Variants in DCAF8 observed in about 807,000 individuals in gnomAD.
The protein encoded by DCAF8 is DDB1- and CUL4-associated factor 8.
In DCAF8, 20 loss-of-function variants were observed where a neutral mutation model predicts 68.0. The observed-to-expected ratio is 0.29, with a 90% CI of 0.21 to 0.43. DCAF8 has a LOEUF of 0.43. Ranked by LOEUF, DCAF8 falls within the 20% of genes least tolerant of loss-of-function variation. The pLI is 1.00. For synonymous variants in DCAF8, 230 were observed against 276.9 expected, an observed-to-expected ratio of 0.83 and a Z score of 1.68; for missense variants, 460 against 771.0, an observed-to-expected ratio of 0.60 and a Z score of 4.78.
chr1:160,253,647 C>CA (rs747211563), intron 2 of DCAF8, among the ~76,000 whole-genome samples: 9,857 of 26,830 alleles, frequency 0.37, 3,584 homozygotes, highest in Non-Finnish European at 0.57. Flanking sequence ...GACTCCATCT[C>CA]AAAAAAAAAA....
rs1244854061 is a variant in DCAF8 at position 160,222,655 on chromosome 1, C to A, written c.1436G>T (p.Gly479Val). ...AGCTCAGCACACCATACTCACCACG[C>A]CTCCCTTGTCCCCCTCCATGAACTG... ...IIQFMEGDKGGVVNCLEPHPH... is the reference protein window; with the variant it reads ...IIQFMEGDKGVVVNCLEPHPH... Residue 479 changes from glycine (G) to valine (V), a missense_variant, in exon 11 of 14, where the codon GGC becomes GTC. Physicochemically the swap from Gly to Val is moderately radical, Grantham distance 109 (BLOSUM62 -3). Coordinates refer to ENST00000368074, the MANE Select transcript of DCAF8 (RefSeq NM_015726.4). The A allele has an allele frequency of 6.2e-7, 1 of 1,614,124 alleles. No individual in the cohort carries two copies. Among genetic ancestry groups the A allele is most frequent in the African/African-American group, 1.3e-5 (1 of 75,042 alleles).
intron 2 of DCAF8, among the ~76,000 whole-genome samples, chr1:160,256,118 G>T (rs1432309940): frequency 1.4e-5 from 2 of 147,436 alleles, no homozygotes; most frequent in African/African-American, 5.0e-5. Context: ...CCCCCGAGTA[G>T]TTGGGATTAC....
intron 3 of DCAF8, among the ~76,000 whole-genome samples, chr1:160,240,763 C>T (rs151169522): frequency 1.3e-5 from 2 of 152,276 alleles, no homozygotes; most frequent in East Asian, 3.9e-4. Flanking sequence ...AAAAGAAGAG[C>T]CAACTCCAGC....
At chr1:160,236,263 A>ACACACACACAC (rs60453098) in intron 6 of DCAF8, among the ~76,000 whole-genome samples, 12 of 144,582 alleles carry the variant, frequency 8.3e-5, no homozygotes, top group East Asian at 2.0e-4. Context: ...ATCACACACA[A>ACACACACACAC]ACACACACAC....
At chr1:160,229,037 C>T (rs573805968) in intron 7 of DCAF8, among the ~76,000 whole-genome samples, 3 of 152,184 alleles carry the variant, frequency 2.0e-5, no homozygotes, top group South Asian at 2.1e-4. Context: ...CGGTGGCTCA[C>T]GACTGTAATC....
intron 2 of DCAF8, among the ~76,000 whole-genome samples, chr1:160,251,744 C>T (rs887174036): frequency 6.6e-6 from 1 of 152,172 alleles, no homozygotes; most frequent in African/African-American, 2.4e-5. Context: ...CTTGAGATTA[C>T]AGGCACGAGC....
At chr1:160,257,106 A>G (rs1390287820) in intron 2 of DCAF8, among the ~76,000 whole-genome samples, 1 of 152,228 alleles carries the variant, frequency 6.6e-6, no homozygotes, top group Non-Finnish European at 1.5e-5. Flanking sequence ...AGTTTTTAAT[A>G]TTACTATAAA....
chr1:160,223,636 T>C (rs1362364978), intron 10 of DCAF8, among the ~76,000 whole-genome samples: 4 of 152,176 alleles, frequency 2.6e-5, no homozygotes, highest in Non-Finnish European at 5.9e-5. Context: ...TTGGGATTGG[T>C]GGCTCATGCC....
At chr1:160,249,090 T>A (rs1439729737) in intron 2 of DCAF8, among the ~76,000 whole-genome samples, 1 of 151,798 alleles carries the variant, frequency 6.6e-6, no homozygotes, top group Non-Finnish European at 1.5e-5. Flanking sequence ...CTGGAGAGGC[T>A]GAGACAGGAG....
At chr1:160,243,283 G>A (rs139882151) in intron 3 of DCAF8, among the ~76,000 whole-genome samples, 3 of 152,214 alleles carry the variant, frequency 2.0e-5, no homozygotes, top group East Asian at 3.9e-4. Context: ...AAAGAAGGAG[G>A]AGGGAAAGGA....
At chr1:160,231,726 C>G (rs541714038) in intron 6 of DCAF8, among the ~76,000 whole-genome samples, 1 of 152,304 alleles carries the variant, frequency 6.6e-6, no homozygotes, top group South Asian at 2.1e-4. Context: ...CAGTCCAACA[C>G]AGTAACAGCC....
chr1:160,250,692 T>G (rs958605753), intron 2 of DCAF8, among the ~76,000 whole-genome samples: 5 of 152,180 alleles, frequency 3.3e-5, no homozygotes, highest in Non-Finnish European at 7.3e-5. Context: ...AGACTGCCTG[T>G]GTGATTTATC....
chr1:160,251,800 C>A (rs750667133), intron 2 of DCAF8, among the ~76,000 whole-genome samples: 19 of 152,142 alleles, frequency 1.2e-4, no homozygotes, highest in Non-Finnish European at 2.2e-4. Context: ...GAACCTCAGG[C>A]ACTGAAACTC....
chr1:160,238,512 C>T, intron 5 of DCAF8, 95 bp downstream of exon 5: 6 of 1,385,290 alleles, frequency 4.3e-6, no homozygotes, highest in Non-Finnish European at 4.8e-6. Context: ...ATGACCACAA[C>T]AAATGTGACA....
chr1:160,216,562 T>C lies in DCAF8; in HGVS notation c.*1030A>G, dbSNP rs1201112645. On this transcript the variant is annotated 3_prime_UTR_variant, in exon 14 of 14. Coordinates refer to ENST00000368074, the MANE Select transcript of DCAF8 (RefSeq NM_015726.4). Reference sequence around the variant, plus strand: ...GGCAGAAATGAGGATCCTTCCATTCTCAAGCCTCCTAAAACCTAAAGGGTA... The same window carrying C: ...GGCAGAAATGAGGATCCTTCCATTCCCAAGCCTCCTAAAACCTAAAGGGTA... The C allele has an allele frequency of 6.6e-6, 1 of 152,594 alleles. No individual in the cohort carries two copies. Among genetic ancestry groups the C allele is most frequent in the African/African-American group, 2.4e-5 (1 of 41,426 alleles). 9.5% of individuals were successfully genotyped at this position (152,594 alleles called of 1,614,324 possible).
intron 2 of DCAF8, among the ~76,000 whole-genome samples, chr1:160,251,241 A>G (rs1656582113): frequency 6.6e-6 from 1 of 152,222 alleles, no homozygotes; most frequent in South Asian, 2.1e-4. Flanking sequence ...TACCACTCAT[A>G]AATGAGCAGC....
chr1:160,218,458 T>C lies in DCAF8; in HGVS notation c.1561-18A>G. On this transcript the variant is annotated intron_variant, in intron 12 of 13. Transcript: ENST00000368074. ...TTAATCACCTGGAACCCAAAAAGGT[T>C]GGGAAGAGGGGGCAGCAATGAAGAG... 6.2e-7 allele frequency: 1 copy of C among 1,600,874 alleles called. No individual in the cohort carries two copies. Among genetic ancestry groups the C allele is most frequent in the Non-Finnish European group, 8.6e-7 (1 of 1,168,022 alleles).
At chr1:160,225,495 A>G in intron 8 of DCAF8, 96 bp downstream of exon 8, 2 of 958,258 alleles carry the variant, frequency 2.1e-6, no homozygotes, top group Non-Finnish European at 1.6e-6. Context: ...GACTGACTTG[A>G]AAGTCCAAGC....
chr1:160,252,366 G>A (rs1656631376), intron 2 of DCAF8, among the ~76,000 whole-genome samples: 1 of 152,168 alleles, frequency 6.6e-6, no homozygotes, highest in Admixed American at 6.5e-5. Context: ...ATGCTTCCAT[G>A]GAAAATTAGC....
Sources: allele counts gnomAD v4.1 joint callset (sites outside exome capture counted in the v4.1 genomes callset), GRCh38; gene constraint gnomAD v4.1.1; transcripts MANE v1.5; gene names NCBI Gene and HGNC (gene_info 2026-07-23, HGNC 2026-07-21).